CRPPA: variants seen among roughly 807,000 people sequenced by gnomAD.
CRPPA encodes CDP-L-ribitol pyrophosphorylase A.
CRPPA carries 43 observed loss-of-function variants against 52.0 expected under a neutral mutation model. The ratio of observed to expected loss-of-function variants is 0.83; its 90% CI spans 0.65 to 1.07. The LOEUF (loss-of-function observed/expected upper bound fraction) is 1.07. Ranked by LOEUF, CRPPA falls within the 50% of genes least tolerant of loss-of-function variation. CRPPA has a pLI of 0.00. For synonymous variants in CRPPA, 250 were observed against 203.5 expected (o/e 1.23, Z -1.94); for missense variants, 629 against 551.7 (o/e 1.14, Z -1.40).
At chr7:16,286,007 T>G (rs1784420147) in intron 5 of CRPPA, among the ~76,000 whole-genome samples, 1 of 79,506 alleles carries the variant, frequency 1.3e-5, no homozygotes, top group African/African-American at 5.4e-5. Context: ...GCAGTAAGAG[T>G]GAAACTCCAT....
At chr7:16,108,276 G>T (rs796452314) in intron 9 of CRPPA, among the ~76,000 whole-genome samples, 5 of 151,930 alleles carry the variant, frequency 3.3e-5, no homozygotes, top group African/African-American at 1.2e-4. Flanking sequence ...ATGAAGGGAT[G>T]GAAAGGATAT....
intron 6 of CRPPA, among the ~76,000 whole-genome samples, chr7:16,260,446 C>G (rs1339493777): frequency 6.6e-6 from 1 of 151,982 alleles, no homozygotes; most frequent in African/African-American, 2.4e-5. Flanking sequence ...ACAACTAACT[C>G]TAATTGCATC....
At chr7:16,351,731 T>A (rs1036174263) in intron 3 of CRPPA, among the ~76,000 whole-genome samples, 4 of 152,140 alleles carry the variant, frequency 2.6e-5, no homozygotes, top group Non-Finnish European at 5.9e-5. Context: ...TCATGCCAGT[T>A]AGAATGGCGA....
intron 1 of CRPPA, among the ~76,000 whole-genome samples, chr7:16,417,782 T>C (rs991573050): frequency 6.6e-6 from 1 of 151,828 alleles, no homozygotes; most frequent in Non-Finnish European, 1.5e-5. Context: ...GAATCTAAAA[T>C]AGAAGTTGAA....
intron 8 of CRPPA, chr7:16,248,229 C>T (rs1783334308): frequency 6.6e-6 from 1 of 152,116 alleles, no homozygotes; most frequent in Non-Finnish European, 1.5e-5. Flanking sequence ...GCCTCAGCTA[C>T]TCAAGTGGCT....
At chr7:16,398,462 G>C (rs1415038467) in intron 2 of CRPPA, among the ~76,000 whole-genome samples, 2 of 152,032 alleles carry the variant, frequency 1.3e-5, no homozygotes, top group Admixed American at 1.3e-4. Context: ...TGACTCACGT[G>C]TGCGATTGAC....
chr7:16,388,720 C>CA (rs1159429908), intron 2 of CRPPA, among the ~76,000 whole-genome samples: 3 of 151,848 alleles, frequency 2.0e-5, no homozygotes, highest in Non-Finnish European at 4.4e-5. Context: ...ACTAAAAATA[C>CA]AAAAAATTAG....
intron 8 of CRPPA, among the ~76,000 whole-genome samples, chr7:16,234,582 G>T (rs1484173303): frequency 6.6e-6 from 1 of 152,054 alleles, no homozygotes; most frequent in African/African-American, 2.4e-5. Context: ...CTCCTTAATA[G>T]AATGTAGCCA....
chr7:16,230,626 CAT>C (rs956160944), intron 8 of CRPPA, among the ~76,000 whole-genome samples: 20 of 152,290 alleles, frequency 1.3e-4, no homozygotes, highest in African/African-American at 3.8e-4. Context: ...AGAAAGCTCA[CAT>C]GTCTCCATTT....
chr7:16,321,542 C>T (rs1323916657), intron 3 of CRPPA, among the ~76,000 whole-genome samples: 3 of 152,026 alleles, frequency 2.0e-5, no homozygotes, highest in African/African-American at 7.2e-5. Context: ...ATGCTGTTGG[C>T]CATAATCTCA....
intron 8 of CRPPA, 66 bp from the exon 9 acceptor site, chr7:16,216,263 A>T: frequency 9.4e-7 from 1 of 1,058,252 alleles, no homozygotes; most frequent in Non-Finnish European, 1.4e-6. Context: ...GGGAAAAAAC[A>T]TTAAAGAAGC....
chr7:16,242,638 A>G (rs1053789782), intron 8 of CRPPA, among the ~76,000 whole-genome samples: 3 of 152,234 alleles, frequency 2.0e-5, no homozygotes, highest in African/African-American at 4.8e-5. Context: ...ATATGAAAAA[A>G]GTTTCAAACA....
At chr7:16,250,248 T>C (rs887578858) in intron 8 of CRPPA, among the ~76,000 whole-genome samples, 3 of 152,206 alleles carry the variant, frequency 2.0e-5, no homozygotes, top group Non-Finnish European at 4.4e-5. Flanking sequence ...CTATGTTTGA[T>C]TGGTGTACCT....
chr7:16,400,907 G>T (rs943446642), intron 2 of CRPPA, among the ~76,000 whole-genome samples: 1 of 152,196 alleles, frequency 6.6e-6, no homozygotes, highest in African/African-American at 2.4e-5. Flanking sequence ...GGTGAGGTCT[G>T]GGGGAATCCT....
At chr7:16,419,764 T>C (rs1788282620) in intron 1 of CRPPA, among the ~76,000 whole-genome samples, 1 of 151,682 alleles carries the variant, frequency 6.6e-6, no homozygotes, top group African/African-American at 2.4e-5. Flanking sequence ...ATCTCCAAAC[T>C]CATCAATTCG....
intron 3 of CRPPA, among the ~76,000 whole-genome samples, chr7:16,362,778 A>C (rs1158603781): frequency 6.6e-6 from 1 of 152,222 alleles, no homozygotes; most frequent in East Asian, 1.9e-4. Context: ...AATCTAAGAA[A>C]GATTTAAAGA....
chr7:16,211,474 A>G (rs1782136059), intron 9 of CRPPA, among the ~76,000 whole-genome samples: 1 of 152,224 alleles, frequency 6.6e-6, no homozygotes, highest in Non-Finnish European at 1.5e-5. Flanking sequence ...ATTCGGTGCC[A>G]TGGAAAGTTT....
intron 5 of CRPPA, among the ~76,000 whole-genome samples, chr7:16,283,658 T>C (rs1476059788): frequency 1.3e-5 from 2 of 151,770 alleles, no homozygotes; most frequent in Middle Eastern, 3.4e-3. Flanking sequence ...TTGTCTTTAA[T>C]CTTCTGTGTG....
chr7:16,198,000 G>A (rs1781774638), intron 9 of CRPPA, among the ~76,000 whole-genome samples: 2 of 129,344 alleles, frequency 1.5e-5, no homozygotes, highest in African/African-American at 6.0e-5. Context: ...CAAGTACCCA[G>A]GGACACAAAA....
Sources: allele counts gnomAD v4.1 joint callset (sites outside exome capture counted in the v4.1 genomes callset), GRCh38; gene constraint gnomAD v4.1.1; transcripts MANE v1.5; gene names NCBI Gene and HGNC (gene_info 2026-07-23, HGNC 2026-07-21).